Variants in NUDCD3 observed in about 807,000 individuals in gnomAD.
NUDCD3 encodes NudC domain containing 3.
NUDCD3 carries 13 observed loss-of-function variants against 39.7 expected under a neutral mutation model. That is an observed-to-expected ratio of 0.33 (90% CI 0.21 to 0.52). NUDCD3 has a LOEUF of 0.52. Among genes scored for constraint, NUDCD3 ranks in the 20% least tolerant of loss-of-function variants. The pLI is 0.96. For missense variants in NUDCD3, 453 were observed against 458.1 expected (o/e 0.99, Z 0.10); for synonymous variants, 175 against 172.4 (o/e 1.02, Z -0.12).
In NUDCD3 at chr7:44,483,942, A is replaced by G. The variant is rs550005064; in HGVS notation, c.509+1026T>C. ...AGGATTGCTGGAGCCCAAGAGTTCA[A>G]TTCATATATTGCGCTATGATCACAC... is the stretch of plus-strand genomic sequence containing the variant. On this transcript the variant is annotated intron_variant, in intron 2 of 5. Coordinates refer to ENST00000355451, the MANE Select transcript of NUDCD3 (RefSeq NM_015332.4). 2.6e-5 allele frequency among the ~76,000 whole-genome samples: 4 copies of G among 151,980 alleles called. No homozygotes were observed. In the South Asian group the frequency reaches 8.3e-4, roughly 32 times the overall value.
At chr7:44,436,562 G>C (rs1489745714) in intron 2 of NUDCD3, among the ~76,000 whole-genome samples, 1 of 152,200 alleles carries the variant, frequency 6.6e-6, no homozygotes, top group African/African-American at 2.4e-5. Flanking sequence ...TCATGCTACA[G>C]AACTACAGGA....
chr7:44,485,355 C>A, intron 1 of NUDCD3, 71 bp from the exon 2 acceptor site: 1 of 1,315,788 alleles, frequency 7.6e-7, no homozygotes, highest in South Asian at 1.5e-5. Flanking sequence ...GTAGAAATGT[C>A]GTAAAATCTG....
chr7:44,432,295 G>A (rs954040249), intron 2 of NUDCD3, among the ~76,000 whole-genome samples: 5 of 152,126 alleles, frequency 3.3e-5, no homozygotes, highest in Admixed American at 3.3e-4. Flanking sequence ...AACAAAACAG[G>A]ATCAGACAAT....
At chr7:44,457,875 T>C (rs1799934896) in intron 2 of NUDCD3, among the ~76,000 whole-genome samples, 1 of 152,200 alleles carries the variant, frequency 6.6e-6, no homozygotes, top group African/African-American at 2.4e-5. Flanking sequence ...GGAATCCCCA[T>C]AGATTGCTGG....
At position 44,392,428 on chromosome 7, in the gene NUDCD3, G is replaced by C. The variant is rs1265976276; in HGVS notation, c.844C>G (p.Pro282Ala). Residue 282 changes from proline (P) to alanine (A), a missense_variant, in exon 5 of 6, where the codon CCC becomes GCC. Pro to Ala is a conservative substitution (Grantham distance 27). Transcript: ENST00000355451. ...WWNAILEGEEPIDIDKINKER... is the reference protein window; with the variant it reads ...WWNAILEGEEAIDIDKINKER... ...TTGTTGATCTTGTCAATGTCGATGG[G>C]CTCTTCTCCCTCCAGGATGGCGTTC... 3 of 1,614,020 alleles carry C rather than the reference G, an allele frequency of 1.9e-6. No homozygotes were observed. Among genetic ancestry groups the C allele is most frequent in the Non-Finnish European group, 2.5e-6 (3 of 1,180,028 alleles).
intron 4 of NUDCD3, among the ~76,000 whole-genome samples, chr7:44,403,350 G>A (rs530592257): frequency 6.6e-6 from 1 of 152,332 alleles, no homozygotes; most frequent in East Asian, 1.9e-4. Context: ...GCCCTGCTTA[G>A]GATGAAACAC....
At chr7:44,439,580 A>T (rs1427018350) in intron 2 of NUDCD3, among the ~76,000 whole-genome samples, 1 of 151,772 alleles carries the variant, frequency 6.6e-6, no homozygotes, top group East Asian at 1.9e-4. Context: ...TAGTGCCAAA[A>T]AGTAAGGAAG....
intron 2 of NUDCD3, among the ~76,000 whole-genome samples, chr7:44,442,842 C>T (rs1701581694): frequency 1.3e-5 from 2 of 151,906 alleles, no homozygotes; most frequent in Admixed American, 6.6e-5. Flanking sequence ...ACTACAGGCG[C>T]CCACCACTGC....
intron 2 of NUDCD3, among the ~76,000 whole-genome samples, chr7:44,446,546 G>T (rs1205325048): frequency 6.6e-6 from 1 of 152,222 alleles, no homozygotes; most frequent in African/African-American, 2.4e-5. Flanking sequence ...AGATCCTCCA[G>T]GCACGCCTGC....
chr7:44,454,384 G>T (rs948733182), intron 2 of NUDCD3, among the ~76,000 whole-genome samples: 1 of 152,100 alleles, frequency 6.6e-6, no homozygotes, highest in Non-Finnish European at 1.5e-5. Context: ...AAAATAGTTG[G>T]CAAAGAGCAC....
intron 3 of NUDCD3, among the ~76,000 whole-genome samples, chr7:44,421,908 T>C (rs1489780845): frequency 6.6e-6 from 1 of 152,066 alleles, no homozygotes; most frequent in Non-Finnish European, 1.5e-5. Context: ...CCTCAGCAAA[T>C]GCAAAAGAAC....
chr7:44,391,024 G>A (rs1188315503), intron 5 of NUDCD3, among the ~76,000 whole-genome samples: 1 of 152,196 alleles, frequency 6.6e-6, no homozygotes, highest in African/African-American at 2.4e-5. Context: ...TAGAGACAAG[G>A]GCCAGGGTGG....
intron 2 of NUDCD3, among the ~76,000 whole-genome samples, chr7:44,455,415 T>G (rs1430727736): frequency 6.6e-6 from 1 of 152,122 alleles, no homozygotes; most frequent in Non-Finnish European, 1.5e-5. Flanking sequence ...CTTCTTCCCA[T>G]CACTGCACAT....
At chr7:44,418,027 G>C (rs1282139903) in intron 3 of NUDCD3, among the ~76,000 whole-genome samples, 1 of 152,202 alleles carries the variant, frequency 6.6e-6, no homozygotes, top group Non-Finnish European at 1.5e-5. Context: ...TCTTAGGGAT[G>C]CCATGGACCC....
At chr7:44,408,567 A>C (rs1200997911) in intron 3 of NUDCD3, among the ~76,000 whole-genome samples, 1 of 152,250 alleles carries the variant, frequency 6.6e-6, no homozygotes, top group Admixed American at 6.5e-5. Flanking sequence ...AAAGGATGTC[A>C]GTGAAAATGG....
At chr7:44,487,908 G>A (rs1375207756) in intron 1 of NUDCD3, among the ~76,000 whole-genome samples, 1 of 151,408 alleles carries the variant, frequency 6.6e-6, no homozygotes, top group Non-Finnish European at 1.5e-5. Context: ...AGCCAAGATT[G>A]CGCCACTGCA....
At chr7:44,454,121 C>CTT in intron 2 of NUDCD3, among the ~76,000 whole-genome samples, 1 of 152,274 alleles carries the variant, frequency 6.6e-6, no homozygotes, top group African/African-American at 2.4e-5. Flanking sequence ...AGGCAGATCA[C>CTT]GAGGTCAGGA....
rs74536052 is a variant in NUDCD3, at chr7:44,435,072, T to G, written c.510-7369A>C. Among the ~76,000 whole-genome samples, 1,026 of 151,160 alleles carry G rather than the reference T, an allele frequency of 6.8e-3. 6 individuals carry two copies. The highest frequency in any genetic ancestry group is 0.011 in the Non-Finnish European group (737 of 67,308). ...ATTTGGAGAGAGAAGTTATGTCTTTTGCCTAGTAATTCTACACTTCTTTAT... is the reference window on the plus strand; with the variant it reads ...ATTTGGAGAGAGAAGTTATGTCTTTGGCCTAGTAATTCTACACTTCTTTAT... On this transcript the variant is annotated intron_variant, in intron 2 of 5. Coordinates refer to ENST00000355451, the MANE Select transcript of NUDCD3 (RefSeq NM_015332.4).
At chr7:44,480,941 C>CAAAAAAAAAAAAAAAAAAAAAAAAAA (rs1164765600) in intron 2 of NUDCD3, among the ~76,000 whole-genome samples, 1 of 34,876 alleles carries the variant, frequency 2.9e-5, no homozygotes, top group African/African-American at 1.1e-4. Flanking sequence ...GACCCAGTAT[C>CAAAAAAAAAAAAAAAAAAAAAAAAAA]AAAAAAAAAA....
Sources: gnomAD v4.1 joint callset for allele counts (sites outside exome capture counted in the v4.1 genomes callset) on GRCh38, gnomAD v4.1.1 for gene constraint, MANE v1.5 for transcripts, NCBI Gene and HGNC (gene_info 2026-07-23, HGNC 2026-07-21) for gene names.